Variants in GPR107 observed in about 807,000 individuals in gnomAD.
The protein encoded by GPR107 is protein GPR107.
A neutral mutation model predicts 75.5 loss-of-function variants in GPR107; 31 were observed. The ratio of observed to expected loss-of-function variants is 0.41; its 90% CI spans 0.31 to 0.55. The LOEUF (loss-of-function observed/expected upper bound fraction) is 0.55. GPR107 is among the 20% of genes least tolerant of loss of function. GPR107 has a pLI of 0.26. For missense variants in GPR107, 572 were observed against 665.7 expected (o/e 0.86, Z 1.55); for synonymous variants, 267 against 251.3 (o/e 1.06, Z -0.59).
intron 15 of GPR107, among the ~76,000 whole-genome samples, chr9:130,126,522 G>A (rs1433539573): frequency 6.6e-6 from 1 of 151,900 alleles, no homozygotes; most frequent in African/African-American, 2.4e-5. Context: ...GGCTAATTTT[G>A]TATTTTTAGT....
chr9:130,120,359 A>G (rs1428873340), intron 14 of GPR107, among the ~76,000 whole-genome samples: 1 of 152,126 alleles, frequency 6.6e-6, no homozygotes, highest in Non-Finnish European at 1.5e-5. Context: ...GTGGCGACGC[A>G]TGATGCCAGG....
chr9:130,093,693 C>A (rs948757376), intron 9 of GPR107, among the ~76,000 whole-genome samples: 2 of 152,132 alleles, frequency 1.3e-5, no homozygotes, highest in Admixed American at 6.5e-5. Flanking sequence ...TAAGAAAAAT[C>A]CTATGGGCGA....
chr9:130,054,208 G>C, intron 1 of GPR107, 135 bp downstream of exon 1: 1 of 884,786 alleles, frequency 1.1e-6, no homozygotes, highest in Non-Finnish European at 1.7e-6. Flanking sequence ...TTCACTGACA[G>C]GTGGCGGGGT....
chr9:130,105,250 T>G (rs1053896672), intron 13 of GPR107, among the ~76,000 whole-genome samples: 12 of 151,662 alleles, frequency 7.9e-5, no homozygotes, highest in South Asian at 2.1e-4. Context: ...TACAAGTGCT[T>G]CTTTTTTTTT....
intron 4 of GPR107, among the ~76,000 whole-genome samples, chr9:130,078,058 G>A (rs905618046): frequency 2.0e-5 from 3 of 152,066 alleles, no homozygotes; most frequent in African/African-American, 7.2e-5. Context: ...CCAGCTATTC[G>A]GGAGGCTGAG....
At chr9:130,082,659 T>G (rs112988299) in intron 5 of GPR107, among the ~76,000 whole-genome samples, 1 of 152,098 alleles carries the variant, frequency 6.6e-6, no homozygotes, top group African/African-American at 2.4e-5. Context: ...TTTGTATTTT[T>G]TAGTAGAGAC....
chr9:130,054,158 C>G, intron 1 of GPR107, 85 bp downstream of exon 1: 1 of 1,256,740 alleles, frequency 8.0e-7, no homozygotes. Context: ...TTGGGGACCT[C>G]TGAGCCACTG....
intron 1 of GPR107, among the ~76,000 whole-genome samples, chr9:130,057,132 G>T (rs1285064532): frequency 6.6e-6 from 1 of 151,908 alleles, no homozygotes; most frequent in Non-Finnish European, 1.5e-5. Context: ...TACTTGATCA[G>T]ATTAGAGACC....
At chr9:130,090,263 T>C (rs1200826815) in intron 7 of GPR107, among the ~76,000 whole-genome samples, 1 of 152,208 alleles carries the variant, frequency 6.6e-6, no homozygotes, top group Non-Finnish European at 1.5e-5. Flanking sequence ...TCATTTAAAC[T>C]CATGAAATGT....
chr9:130,094,844 C>T (rs768496534), intron 9 of GPR107, among the ~76,000 whole-genome samples: 1 of 151,900 alleles, frequency 6.6e-6, no homozygotes, highest in African/African-American at 2.4e-5. Context: ...CCATGCCTGG[C>T]GAATTTTTGC....
chr9:130,085,335 G>A (rs557653630), intron 6 of GPR107, among the ~76,000 whole-genome samples: 63 of 152,242 alleles, frequency 4.1e-4, no homozygotes, highest in African/African-American at 1.4e-3. Flanking sequence ...GGAGTGGGTC[G>A]TAGAAATAGC....
intron 9 of GPR107, among the ~76,000 whole-genome samples, chr9:130,098,727 G>T (rs1187548218): frequency 6.6e-6 from 1 of 152,168 alleles, no homozygotes; most frequent in Non-Finnish European, 1.5e-5. Flanking sequence ...AAAAAAAGTG[G>T]CTGGGTGTGG....
chr9:130,108,733 C>T, intron 14 of GPR107: 1 of 456,054 alleles, frequency 2.2e-6, no homozygotes, highest in Non-Finnish European at 4.4e-6. Flanking sequence ...CTGGGAATAG[C>T]CCTTCTCCCG....
At chr9:130,060,916 C>T (rs1400728115) in intron 1 of GPR107, among the ~76,000 whole-genome samples, 1 of 152,142 alleles carries the variant, frequency 6.6e-6, no homozygotes, top group Non-Finnish European at 1.5e-5. Flanking sequence ...AAGCCTTCCT[C>T]GCTGATGGGA....
chr9:130,079,411 C>G (rs370704693), intron 4 of GPR107, among the ~76,000 whole-genome samples: 11 of 152,260 alleles, frequency 7.2e-5, no homozygotes, highest in Non-Finnish European at 1.6e-4. Context: ...GAGAGACTAC[C>G]TGGATCCTCG....
intron 1 of GPR107, among the ~76,000 whole-genome samples, chr9:130,064,905 G>T (rs886767503): frequency 2.6e-5 from 4 of 152,056 alleles, no homozygotes; most frequent in Admixed American, 6.6e-5. Context: ...GGCAAGGAAG[G>T]ATTCTTCTCC....
chr9:130,072,213 T>C (rs1564661973), intron 1 of GPR107, among the ~76,000 whole-genome samples: 1 of 151,568 alleles, frequency 6.6e-6, no homozygotes, highest in Non-Finnish European at 1.5e-5. Context: ...TTTATTTTTT[T>C]ATTTATTTAA....
At chr9:130,074,970 C>T (rs943433790) in intron 1 of GPR107, among the ~76,000 whole-genome samples, 2 of 151,084 alleles carry the variant, frequency 1.3e-5, no homozygotes, top group African/African-American at 2.4e-5. Flanking sequence ...GTGGGGATGA[C>T]GATAACATGG....
At chr9:130,123,231 G>A (rs575909655) in intron 14 of GPR107, among the ~76,000 whole-genome samples, 1 of 152,028 alleles carries the variant, frequency 6.6e-6, no homozygotes, top group East Asian at 1.9e-4. Context: ...TTGAAACAGA[G>A]TGTTGCTCTG....
Sources: gnomAD v4.1 joint callset for allele counts (sites outside exome capture counted in the v4.1 genomes callset) on GRCh38, gnomAD v4.1.1 for gene constraint, MANE v1.5 for transcripts, NCBI Gene and HGNC (gene_info 2026-07-23, HGNC 2026-07-21) for gene names.